MCCC1: variants seen among roughly 807,000 people sequenced by gnomAD.
MCCC1 encodes the protein methylcrotonoyl-CoA carboxylase subunit alpha, mitochondrial.
In MCCC1, 64 loss-of-function variants were observed where a neutral mutation model predicts 83.8. The observed-to-expected ratio is 0.76, with a 90% CI of 0.62 to 0.94. The LOEUF (loss-of-function observed/expected upper bound fraction) is 0.94. MCCC1 is among the 40% of genes least tolerant of loss of function. The pLI is 0.00. For synonymous variants in MCCC1, 322 were observed against 315.4 expected (o/e 1.02, Z -0.22); for missense variants, 807 against 904.7 (o/e 0.89, Z 1.39).
In MCCC1 at chr3:183,057,384, T is replaced by C. The variant is rs1324830031; in HGVS notation, c.800A>G (p.Asn267Ser). 1 of 1,610,188 alleles carries C rather than the reference T, an allele frequency of 6.2e-7. No homozygotes were observed. Among genetic ancestry groups the C allele is most frequent in the Non-Finnish European group, 8.5e-7 (1 of 1,177,928 alleles). Residue 267 changes from asparagine (N) to serine (S), a missense_variant, in exon 8 of 19, where the codon AAT becomes AGT. Asn to Ser is a conservative substitution (Grantham distance 46). Transcript: ENST00000265594. ...GTCTCTTTCAAACAAGTACACAGCA[T>C]TGCCATGGTGATCACCAAACACCTG... The part of the protein sequence containing the change: ...EVQVFGDHHG[N>S]AVYLFERDCS...
chr3:183,103,228 C>G (rs570576913), upstream of MCCC1, among the ~76,000 whole-genome samples: 1 of 152,056 alleles, frequency 6.6e-6, no homozygotes, highest in South Asian at 2.1e-4. Context: ...AGTGAGCAGC[C>G]GCAGGATTTA....
At chr3:183,088,878 A>G (rs893535185) in intron 3 of MCCC1, among the ~76,000 whole-genome samples, 3 of 152,212 alleles carry the variant, frequency 2.0e-5, no homozygotes, top group Non-Finnish European at 2.9e-5. Context: ...GCAGTATCAT[A>G]GTTCATTTAA....
chr3:183,063,589 T>C (rs1577316818), intron 7 of MCCC1, among the ~76,000 whole-genome samples: 1 of 152,190 alleles, frequency 6.6e-6, no homozygotes. Context: ...GTTCTCTCTA[T>C]GGAGTAGCCA....
chr3:183,035,142 G>A (rs1713461861), intron 13 of MCCC1, among the ~76,000 whole-genome samples: 1 of 152,158 alleles, frequency 6.6e-6, no homozygotes, highest in Admixed American at 6.5e-5. Context: ...GCATAGCTAA[G>A]CTGATGCAAT....
intron 14 of MCCC1, among the ~76,000 whole-genome samples, chr3:183,027,129 A>AT (rs1293382712): frequency 6.6e-6 from 1 of 152,166 alleles, no homozygotes; most frequent in African/African-American, 2.4e-5. Context: ...TATTACTACT[A>AT]TAATTGTTTT....
chr3:183,061,980 G>C (rs1056652448), intron 7 of MCCC1, among the ~76,000 whole-genome samples: 26 of 152,124 alleles, frequency 1.7e-4, no homozygotes, highest in Admixed American at 1.4e-3. Flanking sequence ...TGCTGTTCTT[G>C]TGATAGTAAA....
intron 8 of MCCC1, among the ~76,000 whole-genome samples, chr3:183,055,288 T>G (rs1038423018): frequency 6.6e-6 from 1 of 151,338 alleles, no homozygotes; most frequent in Admixed American, 6.6e-5. Context: ...GGTGGGTGCC[T>G]TAATCCCAGC....
rs1453886049 is a variant in MCCC1 at position 183,039,070 on chromosome 3, G to T, written c.1333C>A (p.Gln445Lys). ...AKLVVWAADR[Q>K]AALTKLRYSL... ...TACCTCAGTTTTGTCAATGCCGCCT[G>T]GCGATCTGCTGCCCACACGACCAGC... The change falls in exon 12 of 19, where the codon CAG (glutamine) becomes AAG (lysine). Residue 445 changes from glutamine (Q) to lysine (K), a missense_variant. Gln to Lys is a moderately conservative substitution (Grantham distance 53). Transcript: ENST00000265594. 5 of 1,614,050 alleles carry T rather than the reference G, an allele frequency of 3.1e-6. No individual in the cohort carries two copies. The highest frequency in any genetic ancestry group is 4.2e-6 in the Non-Finnish European group (5 of 1,180,052).
intron 3 of MCCC1, among the ~76,000 whole-genome samples, chr3:183,088,833 T>C (rs1718108862): frequency 6.6e-6 from 1 of 152,242 alleles, no homozygotes; most frequent in Admixed American, 6.5e-5. Flanking sequence ...CTATACCTCA[T>C]TTTGTATAAC....
chr3:183,071,199 C>T lies in MCCC1; in HGVS notation c.639+11G>A. The T allele has an allele frequency of 6.2e-7, 1 of 1,614,212 alleles. No individual in the cohort carries two copies. The highest frequency in any genetic ancestry group is 1.1e-5 in the South Asian group (1 of 91,086). On this transcript the variant is annotated intron_variant, in intron 6 of 18. Transcript: ENST00000265594. The stretch of plus-strand genomic sequence containing the variant: ...GCCTGAATTGGCAAACACAAGCATG[C>T]ACAATCTTACTTTTCCTCCTCCACC...
At chr3:183,091,968 C>T (rs192841061) in intron 3 of MCCC1, among the ~76,000 whole-genome samples, 5 of 151,984 alleles carry the variant, frequency 3.3e-5, no homozygotes, top group Non-Finnish European at 4.4e-5. Flanking sequence ...AGGAGAATCG[C>T]TTGAACCTGA....
At chr3:183,048,455 A>G (rs1376197248) in intron 9 of MCCC1, among the ~76,000 whole-genome samples, 1 of 152,218 alleles carries the variant, frequency 6.6e-6, no homozygotes, top group Non-Finnish European at 1.5e-5. Context: ...CACCAAAGAA[A>G]GTGCGAGTAG....
In MCCC1 at chr3:183,071,004, T is replaced by C; in HGVS notation, c.756A>G (p.Thr252=). Residue 252 remains threonine (T), a synonymous_variant, in exon 7 of 19, where the codon ACA becomes ACG. Transcript: ENST00000265594. ...GAAAAATAAGGCCAACCCACCTCGGTGTGTCTACAAACTTCTCGATCAGCA... is the reference window on the plus strand; with the variant it reads ...GAAAAATAAGGCCAACCCACCTCGGCGTGTCTACAAACTTCTCGATCAGCA... ...DAMLIEKFVD[T]PRHVEVQVFG... 1 of 1,613,974 alleles carries C rather than the reference T, an allele frequency of 6.2e-7. No individual in the cohort carries two copies. The highest frequency in any genetic ancestry group is 8.5e-7 in the Non-Finnish European group (1 of 1,179,890).
intron 4 of MCCC1, among the ~76,000 whole-genome samples, chr3:183,085,419 TAGG>T: frequency 6.6e-6 from 1 of 152,026 alleles, no homozygotes; most frequent in East Asian, 1.9e-4. Context: ...CGCTTGAGCC[TAGG>T]AGTTCAACAC....
At position 183,086,778 on chromosome 3, in the gene MCCC1, G is replaced by T; in HGVS notation, c.284C>A (p.Ala95Glu). 1 of 1,613,964 alleles carries T rather than the reference G, an allele frequency of 6.2e-7. No homozygotes were observed. The highest frequency in any genetic ancestry group is 2.2e-5 in the East Asian group (1 of 44,882). Reference protein sequence around the residue: ...NSMHVDMADEAYSIGPAPSQQ... With the variant: ...NSMHVDMADEEYSIGPAPSQQ... ...GGAGGGAGCGGGGCCGATGGAATAT[G>T]CTTCATCTGCCTGTTTAAGAAACAT... The change falls in exon 4 of 19, where the codon GCA becomes GAA. Residue 95 changes from alanine (A) to glutamate (E), a missense_variant. Ala to Glu is a moderately radical substitution (Grantham distance 107, BLOSUM62 -1). Transcript: ENST00000265594.
At chr3:183,027,427 C>T (rs1712703536) in intron 14 of MCCC1, among the ~76,000 whole-genome samples, 1 of 152,194 alleles carries the variant, frequency 6.6e-6, no homozygotes, top group African/African-American at 2.4e-5. Flanking sequence ...AAAAGTTAGG[C>T]TTCTGATGCC....
intron 7 of MCCC1, among the ~76,000 whole-genome samples, chr3:183,070,383 G>A (rs1716570879): frequency 6.6e-6 from 1 of 152,118 alleles, no homozygotes; most frequent in Non-Finnish European, 1.5e-5. Context: ...AAAAGAATGA[G>A]GCTGATCTAC....
intron 5 of MCCC1, among the ~76,000 whole-genome samples, 162 bp downstream of exon 5, chr3:183,072,204 G>A (rs968757458): frequency 6.6e-6 from 1 of 151,952 alleles, no homozygotes; most frequent in African/African-American, 2.4e-5. Context: ...GAGAGACAAG[G>A]TCTCACTAAG....
In MCCC1 at chr3:183,045,404, T is replaced by A. The variant is rs376902416; in HGVS notation, c.1083+9A>T. ...CAAGGCTGATTTTTAATAGAAAAAA[T>A]ATTCTCACTCTAAGCTGCCACTCCA... On this transcript the variant is annotated intron_variant, in intron 10 of 18. Coordinates refer to ENST00000265594, the MANE Select transcript of MCCC1 (RefSeq NM_020166.5). The A allele has an allele frequency of 3.1e-6, 5 of 1,613,702 alleles. No individual in the cohort carries two copies. Among genetic ancestry groups the A allele is most frequent in the African/African-American group, 1.3e-5 (1 of 74,984 alleles).
Sources: gnomAD v4.1 joint callset for allele counts (sites outside exome capture counted in the v4.1 genomes callset) on GRCh38, gnomAD v4.1.1 for gene constraint, MANE v1.5 for transcripts, NCBI Gene and HGNC (gene_info 2026-07-23, HGNC 2026-07-21) for gene names.